The following SLC7A9 variants were observed in gnomAD, a reference collection of about 807,000 sequenced individuals.
The protein encoded by SLC7A9 is B(0,+)-type amino acid transporter 1.
A neutral mutation model predicts 54.1 loss-of-function variants in SLC7A9; 38 were observed. The observed-to-expected ratio is 0.70, with a 90% CI of 0.54 to 0.92. The LOEUF (loss-of-function observed/expected upper bound fraction) is 0.92. SLC7A9 is among the 40% of genes least tolerant of loss of function. SLC7A9 has a pLI of 0.00. For missense variants in SLC7A9, 537 were observed against 636.1 expected, an observed-to-expected ratio of 0.84 and a Z score of 1.68; for synonymous variants, 264 against 258.9, an observed-to-expected ratio of 1.02 and a Z score of -0.19.
intron 8 of SLC7A9, 41 bp from the exon 9 acceptor site, chr19:32,858,584 G>T: frequency 6.7e-7 from 1 of 1,499,788 alleles, no homozygotes; most frequent in Non-Finnish European, 9.2e-7. Flanking sequence ...GTCTTTCTTG[G>T]CCTCCAAGAG....
Position 32,860,619 on chromosome 19 carries a change from T to A in SLC7A9, c.736A>T (p.Arg246Ter), listed in dbSNP as rs779435584. The A allele has an allele frequency of 6.2e-7, 1 of 1,614,216 alleles. No homozygotes were observed. Among genetic ancestry groups the A allele is most frequent in the Non-Finnish European group, 8.5e-7 (1 of 1,180,024 alleles). The change falls in exon 7 of 13, where the codon AGA becomes TGA. Residue 246 changes from arginine to a stop codon, truncating the protein, a stop_gained. Transcript: ENST00000023064. LOFTEE classifies it high-confidence loss of function. ...NQLNYITEEL[R>*]NPYRNLPLAI... ...TTCAGCTGTTACCTGTAAGGGTTTCTAAGTTCTTCTGTGATGTAATTGAGT... is the reference window on the plus strand; with the variant it reads ...TTCAGCTGTTACCTGTAAGGGTTTCAAAGTTCTTCTGTGATGTAATTGAGT...
At chr19:32,844,970 C>A (rs930763140) in intron 9 of SLC7A9, among the ~76,000 whole-genome samples, 2 of 148,484 alleles carry the variant, frequency 1.3e-5, no homozygotes, top group Admixed American at 6.8e-5. Flanking sequence ...CAAGACCAGT[C>A]TGGCCAACAT....
chr19:32,864,204 ACG>A lies in SLC7A9; in HGVS notation c.368_369del (p.Thr123IlefsTer85), dbSNP rs1266495325. ...AAGCTGAGGCAGATGATGGCGAAGGACGTGGGCTTAATGACGATCAGGCTGGC... is the reference window on the plus strand; with the variant it reads ...AAGCTGAGGCAGATGATGGCGAAGGATGGGCTTAATGACGATCAGGCTGGC... ...SWASLIVIKP[T>X]SFAIICLSFS... On this transcript the variant is annotated frameshift_variant, in exon 4 of 13. Transcript: ENST00000023064. LOFTEE classifies it high-confidence loss of function. 3.1e-6 allele frequency: 5 copies of A among 1,614,192 alleles called. No individual in the cohort carries two copies. The highest frequency in any genetic ancestry group is 4.2e-6 in the Non-Finnish European group (5 of 1,180,012).
In SLC7A9 at chr19:32,856,021, G is replaced by A. The variant is rs1319558600; in HGVS notation, c.977+2419C>T. On this transcript the variant is annotated intron_variant, in intron 9 of 12. Coordinates refer to ENST00000023064, the MANE Select transcript of SLC7A9 (RefSeq NM_014270.5). ...CTAAAAATTCAAACATAGCAATAGAGAGTAGAATGCTGGTTACCAGAGGCT... is the reference window on the plus strand; with the variant it reads ...CTAAAAATTCAAACATAGCAATAGAAAGTAGAATGCTGGTTACCAGAGGCT... Among the ~76,000 whole-genome samples, 6 of 152,244 alleles carry A rather than the reference G, an allele frequency of 3.9e-5. 1 individual carries two copies. In the South Asian group the frequency reaches 1.0e-3, roughly 26 times the overall value.
At chr19:32,842,433 TC>T in intron 10 of SLC7A9, 116 bp from the exon 11 acceptor site, 1 of 971,284 alleles carries the variant, frequency 1.0e-6, no homozygotes, top group Non-Finnish European at 1.6e-6. Flanking sequence ...GAAACGAACT[TC>T]TAGGCATTCC....
At chr19:32,831,106 A>G (rs1967770525) in intron 12 of SLC7A9, among the ~76,000 whole-genome samples, 1 of 151,816 alleles carries the variant, frequency 6.6e-6, no homozygotes, top group Non-Finnish European at 1.5e-5. Context: ...AAAGGCTTTT[A>G]GAAATGGGGT....
At position 32,864,757 on chromosome 19, in the gene SLC7A9, A is replaced by T; in HGVS notation, c.107T>A (p.Ile36Asn). The change falls in exon 3 of 13, where the codon ATC becomes AAC. Residue 36 changes from isoleucine (I) to asparagine (N), a missense_variant. Transcript: ENST00000023064. Reference sequence around the variant, plus strand: ...AATGATGGTGCCCACGATGATGGAGATGCCACTGATGAGGCCCAGCTGGGT... The same window carrying T: ...AATGATGGTGCCCACGATGATGGAGTTGCCACTGATGAGGCCCAGCTGGGT... ...LQKELGLISG[I>N]SIIVGTIIGS... 2 of 1,614,182 alleles carry T rather than the reference A, an allele frequency of 1.2e-6. No individual in the cohort carries two copies. The highest frequency in any genetic ancestry group is 1.7e-6 in the Non-Finnish European group (2 of 1,180,024).
chr19:32,847,926 C>T (rs1355457888), intron 9 of SLC7A9, among the ~76,000 whole-genome samples: 2 of 152,140 alleles, frequency 1.3e-5, no homozygotes, highest in African/African-American at 2.4e-5. Context: ...ATTTCGTACC[C>T]ACCCAAGCTA....
intron 4 of SLC7A9, among the ~76,000 whole-genome samples, chr19:32,863,431 T>C (rs1968865985): frequency 6.6e-6 from 1 of 152,104 alleles, no homozygotes; most frequent in Non-Finnish European, 1.5e-5. Flanking sequence ...CTAGCCTCTT[T>C]TATTTTTTGA....
chr19:32,831,883 A>G (rs1945396696), intron 12 of SLC7A9, among the ~76,000 whole-genome samples: 2 of 152,250 alleles, frequency 1.3e-5, no homozygotes, highest in African/African-American at 4.8e-5. Context: ...GTGTTTCAGG[A>G]TGAGACGCAT....
intron 9 of SLC7A9, among the ~76,000 whole-genome samples, chr19:32,854,701 C>T (rs1280287380): frequency 6.6e-6 from 1 of 152,146 alleles, no homozygotes; most frequent in African/African-American, 2.4e-5. Flanking sequence ...AATTCTCCTG[C>T]CTCAGCCTCC....
At position 32,864,444 on chromosome 19, in the gene SLC7A9, G is replaced by A. The variant is rs1429448012; in HGVS notation, c.236-106C>T. The A allele has an allele frequency of 2.0e-5, 31 of 1,554,816 alleles. No homozygotes were observed. In the Admixed American group the frequency reaches 2.9e-4, roughly 15 times the overall value. ...CTGCGCTCGTATGGAGGGGCCCACCGTGGTCCGCCCTCGCTGGACGGCCCT... is the reference window on the plus strand; with the variant it reads ...CTGCGCTCGTATGGAGGGGCCCACCATGGTCCGCCCTCGCTGGACGGCCCT... On this transcript the variant is annotated intron_variant, in intron 3 of 12. Coordinates refer to ENST00000023064, the MANE Select transcript of SLC7A9 (RefSeq NM_014270.5).
At chr19:32,853,654 C>T (rs1435714483) in intron 9 of SLC7A9, among the ~76,000 whole-genome samples, 4 of 151,990 alleles carry the variant, frequency 2.6e-5, no homozygotes, top group African/African-American at 4.8e-5. Flanking sequence ...CAGTGGCTCA[C>T]GCCTGTAATC....
intron 2 of SLC7A9, 94 bp from the exon 3 acceptor site, chr19:32,864,870 C>G: frequency 6.4e-7 from 1 of 1,551,280 alleles, no homozygotes; most frequent in Non-Finnish European, 8.9e-7. Flanking sequence ...CCAGGGCGGC[C>G]CCAGCCAAAG....
In SLC7A9 at chr19:32,864,779, G is replaced by T. The variant is rs1411334494; in HGVS notation, c.88-3C>A. 6.2e-7 allele frequency: 1 copy of T among 1,614,150 alleles called. No individual in the cohort carries two copies. The highest frequency in any genetic ancestry group is 8.5e-7 in the Non-Finnish European group (1 of 1,180,028). On this transcript the variant is annotated splice_polypyrimidine_tract_variant and splice_region_variant and intron_variant, in intron 2 of 12. Coordinates refer to ENST00000023064, the MANE Select transcript of SLC7A9 (RefSeq NM_014270.5). Reference sequence around the variant, plus strand: ...GAGATGCCACTGATGAGGCCCAGCTGGGTGTGGAGGAAGGAAGAGGGCGTT... The same window carrying T: ...GAGATGCCACTGATGAGGCCCAGCTTGGTGTGGAGGAAGGAAGAGGGCGTT...
chr19:32,868,644 G>A lies in SLC7A9; in HGVS notation c.-110C>T. 1.1e-6 allele frequency: 1 copy of A among 880,226 alleles called. No individual in the cohort carries two copies. The allele number at this position is 880,226 out of a possible 1,614,324, so 54.5% of individuals were successfully genotyped here. A position where few individuals can be genotyped will look rare whatever the true frequency, so the allele number is the denominator to read the frequency against. Reference sequence around the variant, plus strand: ...AAGCTCGGCCTGGACTAGGGGAGCTGGCTGCAAAAGCACAGTGTTGGTTAT... The same window carrying A: ...AAGCTCGGCCTGGACTAGGGGAGCTAGCTGCAAAAGCACAGTGTTGGTTAT... On this transcript the variant is annotated splice_region_variant and 5_prime_UTR_variant, in exon 2 of 13. Transcript: ENST00000023064.
Position 32,868,630 on chromosome 19 carries a change from G to C in SLC7A9, c.-96C>G. The C allele has an allele frequency of 9.9e-7, 1 of 1,012,460 alleles. No individual in the cohort carries two copies. The highest frequency in any genetic ancestry group is 1.6e-6 in the Non-Finnish European group (1 of 637,126). 62.7% of individuals were successfully genotyped at this position (1,012,460 alleles called of 1,614,324 possible). A position where few individuals can be genotyped will look rare whatever the true frequency, so the allele number is the denominator to read the frequency against. On this transcript the variant is annotated 5_prime_UTR_variant, in exon 2 of 13. Coordinates refer to ENST00000023064, the MANE Select transcript of SLC7A9 (RefSeq NM_014270.5). ...CAAGACGCAAGTGCAAGCTCGGCCT[G>C]GACTAGGGGAGCTGGCTGCAAAAGC... is the stretch of plus-strand genomic sequence containing the variant.
chr19:32,846,375 G>A (rs983924668), intron 9 of SLC7A9, among the ~76,000 whole-genome samples: 9 of 152,308 alleles, frequency 5.9e-5, no homozygotes, highest in Non-Finnish European at 7.3e-5. Context: ...ATTATATCCC[G>A]CACCTGGCTC....
intron 11 of SLC7A9, among the ~76,000 whole-genome samples, chr19:32,838,079 T>C (rs1468781702): frequency 1.3e-5 from 2 of 152,170 alleles, no homozygotes; most frequent in Non-Finnish European, 2.9e-5. Context: ...CGTGCCTGCC[T>C]GCACCTCACA....
Sources: gnomAD v4.1 joint callset for allele counts (sites outside exome capture counted in the v4.1 genomes callset) on GRCh38, gnomAD v4.1.1 for gene constraint, MANE v1.5 for transcripts, NCBI Gene and HGNC (gene_info 2026-07-23, HGNC 2026-07-21) for gene names.